The following RNF220 variants were observed in gnomAD, a reference collection of about 807,000 sequenced individuals.
RNF220 encodes E3 ubiquitin-protein ligase RNF220.
A neutral mutation model predicts 67.1 loss-of-function variants in RNF220; 7 were observed. The observed-to-expected ratio is 0.10, with a 90% CI of 0.06 to 0.20. The LOEUF (loss-of-function observed/expected upper bound fraction) is 0.20. RNF220 is among the 10% of genes least tolerant of loss of function. RNF220 has a pLI of 1.00. For synonymous variants in RNF220, 270 were observed against 283.2 expected, an observed-to-expected ratio of 0.95 and a Z score of 0.47; for missense variants, 565 against 740.3, an observed-to-expected ratio of 0.76 and a Z score of 2.75.
intron 2 of RNF220, among the ~76,000 whole-genome samples, chr1:44,575,677 G>T (rs1664752520): frequency 6.6e-6 from 1 of 152,148 alleles, no homozygotes; most frequent in Non-Finnish European, 1.5e-5. Context: ...GCGAAGAAAA[G>T]GGAACTCTTA....
At chr1:44,520,756 A>G (rs1659869384) in intron 2 of RNF220, among the ~76,000 whole-genome samples, 1 of 152,236 alleles carries the variant, frequency 6.6e-6, no homozygotes, top group Non-Finnish European at 1.5e-5. Flanking sequence ...AAACTAGATT[A>G]TATACTCCTT....
At chr1:44,455,162 G>A (rs146748401) in intron 2 of RNF220, among the ~76,000 whole-genome samples, 2,466 of 152,252 alleles carry the variant, frequency 0.016, 40 homozygotes, top group South Asian at 0.049. Flanking sequence ...CTTACTATTT[G>A]TTTTGCTCTT....
intron 3 of RNF220, among the ~76,000 whole-genome samples, chr1:44,615,605 G>T (rs1339521558): frequency 1.3e-5 from 2 of 152,044 alleles, no homozygotes; most frequent in African/African-American, 4.8e-5. Flanking sequence ...CCCTGCCCTT[G>T]GAAGTTCATA....
Position 44,621,360 on chromosome 1 carries a change from C to T in RNF220, c.759-1382C>T, listed in dbSNP as rs534908726. 4.6e-5 allele frequency among the ~76,000 whole-genome samples: 7 copies of T among 152,204 alleles called. No homozygotes were observed. The highest frequency in any genetic ancestry group is 6.5e-5 in the Admixed American group (1 of 15,296). On this transcript the variant is annotated intron_variant, in intron 3 of 14. Transcript: ENST00000361799. This position sits in a 1 kb window ranked among gnomAD's most constrained non-coding sequence, Gnocchi z 4.8. The stretch of plus-strand genomic sequence containing the variant: ...GAAAGTCTATGGGTATATATGTGTG[C>T]GCCTTTATACCAGGGTTTCTCAACC...
chr1:44,492,417 A>G (rs910812553), intron 2 of RNF220, among the ~76,000 whole-genome samples: 1 of 152,332 alleles, frequency 6.6e-6, no homozygotes, highest in Non-Finnish European at 1.5e-5. Context: ...ACTCCTAGGT[A>G]TATACCCAAA....
At chr1:44,436,985 C>A (rs1043452648) in intron 2 of RNF220, among the ~76,000 whole-genome samples, 2 of 152,162 alleles carry the variant, frequency 1.3e-5, no homozygotes, top group African/African-American at 4.8e-5. Flanking sequence ...CTTATGTCCC[C>A]CAGTAAAAGG....
chr1:44,545,846 T>C (rs533774214), intron 2 of RNF220, among the ~76,000 whole-genome samples: 19 of 149,992 alleles, frequency 1.3e-4, no homozygotes, highest in African/African-American at 4.7e-4. Flanking sequence ...AACCTCCACC[T>C]CCTGGGTTCA....
chr1:44,564,978 A>G (rs1274098792), intron 2 of RNF220, among the ~76,000 whole-genome samples: 1 of 151,794 alleles, frequency 6.6e-6, no homozygotes, highest in Non-Finnish European at 1.5e-5. Flanking sequence ...GGCCTGAATC[A>G]ACTCTTTATC....
chr1:44,622,143 G>A lies in RNF220; in HGVS notation c.759-599G>A, dbSNP rs1643821102. Reference sequence around the variant, plus strand: ...AATTTTGTTATTAAACACAGTCCTCGCCTCCCCCACAGCCCATCCATCACC... The same window carrying A: ...AATTTTGTTATTAAACACAGTCCTCACCTCCCCCACAGCCCATCCATCACC... On this transcript the variant is annotated intron_variant, in intron 3 of 14. Coordinates refer to ENST00000361799, the MANE Select transcript of RNF220 (RefSeq NM_018150.4). The surrounding 1 kb of genome is among the most constrained non-coding windows in gnomAD (Gnocchi z 4.3). Among the ~76,000 whole-genome samples the A allele has an allele frequency of 6.6e-6, 1 of 152,076 alleles. No homozygotes were observed. Among genetic ancestry groups the A allele is most frequent in the Admixed American group, 6.5e-5 (1 of 15,268 alleles).
At chr1:44,627,557 G>T (rs114665743) in intron 5 of RNF220, among the ~76,000 whole-genome samples, 2,855 of 152,204 alleles carry the variant, frequency 0.019, 90 homozygotes, top group African/African-American at 0.066. Context: ...ACCTTCTCTG[G>T]AGTAGGAAGG....
chr1:44,598,882 A>G (rs1221274479), intron 2 of RNF220, among the ~76,000 whole-genome samples: 5 of 152,174 alleles, frequency 3.3e-5, no homozygotes, highest in African/African-American at 9.7e-5. Context: ...GCTTCATTTA[A>G]GCAAAAGAAG....
Position 44,649,969 on chromosome 1 carries a change from T to C in RNF220, c.1629+12T>C. ...GGCTGCGGACCCTGGTGAGGTGGCA[T>C]GGGGGTCGGGGAATGGGAGGCCGCT... On this transcript the variant is annotated intron_variant, in intron 14 of 14. Coordinates refer to ENST00000361799, the MANE Select transcript of RNF220 (RefSeq NM_018150.4). The surrounding 1 kb of genome is among the most constrained non-coding windows in gnomAD (Gnocchi z 5.9). 6.2e-7 allele frequency: 1 copy of C among 1,612,666 alleles called. No individual in the cohort carries two copies. The highest frequency in any genetic ancestry group is 8.5e-7 in the Non-Finnish European group (1 of 1,179,704).
intron 2 of RNF220, among the ~76,000 whole-genome samples, chr1:44,418,195 G>A (rs1648794967): frequency 6.6e-6 from 1 of 152,218 alleles, no homozygotes; most frequent in African/African-American, 2.4e-5. Context: ...CGGGGCGTGA[G>A]GGGGACACAG....
At chr1:44,516,849 C>G (rs1659487916) in intron 2 of RNF220, among the ~76,000 whole-genome samples, 1 of 152,172 alleles carries the variant, frequency 6.6e-6, no homozygotes, top group South Asian at 2.1e-4. Context: ...CCTCAGACCT[C>G]TCTTTGAAGC....
intron 2 of RNF220, among the ~76,000 whole-genome samples, chr1:44,499,707 TA>T (rs1657658670): frequency 6.7e-6 from 1 of 148,774 alleles, no homozygotes; most frequent in East Asian, 1.9e-4. Flanking sequence ...ATCTCTAGCC[TA>T]GACCTCTCCC....
In RNF220 at chr1:44,650,786, C is replaced by T. The variant is rs1344249287; in HGVS notation, c.*11C>T. 1.2e-6 allele frequency: 2 copies of T among 1,612,890 alleles called. No individual in the cohort carries two copies. The highest frequency in any genetic ancestry group is 2.2e-5 in the South Asian group (2 of 91,078). On this transcript the variant is annotated 3_prime_UTR_variant, in exon 15 of 15. Transcript: ENST00000361799. The surrounding 1 kb of genome is among the most constrained non-coding windows in gnomAD (Gnocchi z 4.3). ...AGGATCTACTTGTGAGCTATCTGCC[C>T]CAGGCAGGCCTCGCCTCCAGCAGCC...
intron 2 of RNF220, among the ~76,000 whole-genome samples, chr1:44,543,716 A>G (rs1661873853): frequency 6.6e-6 from 1 of 152,108 alleles, no homozygotes; most frequent in Non-Finnish European, 1.5e-5. Flanking sequence ...ACATGCAAGC[A>G]TTTCACATGT....
chr1:44,499,695 A>G (rs996117404), intron 2 of RNF220, among the ~76,000 whole-genome samples: 3 of 152,162 alleles, frequency 2.0e-5, no homozygotes, highest in Non-Finnish European at 2.9e-5. Context: ...TCCCAAATTT[A>G]TATCTCTAGC....
intron 2 of RNF220, among the ~76,000 whole-genome samples, chr1:44,421,018 G>A (rs1439099786): frequency 6.6e-6 from 1 of 152,212 alleles, no homozygotes; most frequent in Non-Finnish European, 1.5e-5. Flanking sequence ...AAGAGGGAGG[G>A]AGAAAGGCTT....
Sources: gnomAD v4.1 joint callset for allele counts (sites outside exome capture counted in the v4.1 genomes callset) on GRCh38, gnomAD v4.1.1 for gene constraint, Gnocchi (gnomAD v3.1) non-coding constraint, MANE v1.5 for transcripts, NCBI Gene and HGNC (gene_info 2026-07-23, HGNC 2026-07-21) for gene names.